IDO2: variants seen among roughly 807,000 people sequenced by gnomAD.
IDO2 encodes the protein indoleamine 2,3-dioxygenase-like 1 protein.
Under a neutral mutation model 45.1 loss-of-function variants are expected in IDO2, and 46 were observed. That is an observed-to-expected ratio of 1.02 (90% CI 0.80 to 1.30). The LOEUF is 1.30. Ranked by LOEUF, IDO2 falls within the 50% of genes most tolerant of loss-of-function variation. The pLI is 0.00. For synonymous variants in IDO2, 218 were observed against 184.9 expected, an observed-to-expected ratio of 1.18 and a Z score of -1.45; for missense variants, 544 against 491.8, an observed-to-expected ratio of 1.11 and a Z score of -1.00.
chr8:39,987,599 A>T (rs911821391), intron 6 of IDO2: 7 of 314,812 alleles, frequency 2.2e-5, no homozygotes, highest in African/African-American at 6.3e-5. Context: ...TCAGCCAGTT[A>T]TTCCACTGCG....
At chr8:39,978,474 A>T (rs1808294490) in intron 3 of IDO2, among the ~76,000 whole-genome samples, 1 of 152,064 alleles carries the variant, frequency 6.6e-6, no homozygotes, top group Non-Finnish European at 1.5e-5. Context: ...TTCAACCATG[A>T]TACCGCCTTT....
intron 2 of IDO2, 62 bp downstream of exon 2, chr8:39,949,326 G>GT (rs1807782373): frequency 4.5e-6 from 6 of 1,321,516 alleles, no homozygotes; most frequent in Non-Finnish European, 6.2e-6. Context: ...TGGTTGGTTT[G>GT]TTTTTTAAAA....
At chr8:40,014,116 C>A (rs1802352004) in intron 10 of IDO2, among the ~76,000 whole-genome samples, 1 of 152,112 alleles carries the variant, frequency 6.6e-6, no homozygotes, top group Admixed American at 6.6e-5. Context: ...CAACTTCTAG[C>A]CAAATCTATT....
intron 3 of IDO2, among the ~76,000 whole-genome samples, chr8:39,968,888 T>TAAAAAAAA: frequency 7.6e-6 from 1 of 130,742 alleles, no homozygotes; most frequent in Non-Finnish European, 1.7e-5. Flanking sequence ...TTTAAAAAAG[T>TAAAAAAAA]AAAAAAAAAA....
chr8:39,982,311 T>C (rs1028562708), intron 4 of IDO2, among the ~76,000 whole-genome samples: 3 of 152,022 alleles, frequency 2.0e-5, no homozygotes, highest in Non-Finnish European at 4.4e-5. Flanking sequence ...TTTTTTTCCG[T>C]TGATAATATT....
chr8:39,934,938 A>T (rs62512641), exon 1 of IDO2: 121,081 of 611,724 alleles, frequency 0.2, 13,220 homozygotes, highest in South Asian at 0.3. Context: ...GTCCATACAC[A>T]CTGGTTTGGA....
intron 2 of IDO2, among the ~76,000 whole-genome samples, chr8:39,959,317 T>A (rs948522746): frequency 3.3e-5 from 5 of 151,652 alleles, no homozygotes; most frequent in African/African-American, 1.2e-4. Flanking sequence ...GGTTTCACCG[T>A]GTTAGCCAGG....
chr8:40,016,127 G>C, exon 11 of IDO2: 1 of 394,378 alleles, frequency 2.5e-6, no homozygotes, highest in Non-Finnish European at 4.5e-6. Flanking sequence ...GAAGATAGAG[G>C]ATGCTGACAA....
chr8:40,003,224 T>C (rs558110501), intron 8 of IDO2, among the ~76,000 whole-genome samples: 1 of 152,056 alleles, frequency 6.6e-6, no homozygotes, highest in East Asian at 1.9e-4. Context: ...CCAAGAATTA[T>C]CCAGGTGTGG....
intron 4 of IDO2, among the ~76,000 whole-genome samples, chr8:39,980,954 G>A (rs1253185135): frequency 6.6e-6 from 1 of 151,720 alleles, no homozygotes; most frequent in African/African-American, 2.4e-5. Context: ...GTTTCACCAC[G>A]TTGGCCAGGC....
intron 1 of IDO2, among the ~76,000 whole-genome samples, chr8:39,940,881 C>A (rs1293343114): frequency 2.0e-5 from 3 of 149,460 alleles, no homozygotes; most frequent in Non-Finnish European, 3.0e-5. Flanking sequence ...ATATCACATG[C>A]AACTCTTAAG....
intron 9 of IDO2, among the ~76,000 whole-genome samples, chr8:40,009,592 G>T (rs2981150): frequency 4.6e-5 from 7 of 151,964 alleles, no homozygotes; most frequent in African/African-American, 1.7e-4. Flanking sequence ...TAGCAGCTTG[G>T]ACCTGAGAAT....
chr8:40,005,033 AC>A (rs1353255213), intron 8 of IDO2, among the ~76,000 whole-genome samples: 3 of 152,216 alleles, frequency 2.0e-5, no homozygotes, highest in African/African-American at 7.2e-5. Context: ...TGTTTAAAAT[AC>A]GAAATTTTAA....
At chr8:39,953,280 T>C (rs552724570) in intron 2 of IDO2, among the ~76,000 whole-genome samples, 2 of 152,176 alleles carry the variant, frequency 1.3e-5, no homozygotes, top group Non-Finnish European at 2.9e-5. Context: ...GAATGTTACA[T>C]GCAAGGTGGT....
intron 8 of IDO2, among the ~76,000 whole-genome samples, chr8:39,991,790 C>T (rs1801936304): frequency 1.3e-5 from 2 of 152,188 alleles, no homozygotes; most frequent in South Asian, 2.1e-4. Flanking sequence ...AGGCTGGTCT[C>T]GAACTCCTGA....
At chr8:39,993,290 T>C (rs1197538816) in intron 8 of IDO2, among the ~76,000 whole-genome samples, 2 of 152,150 alleles carry the variant, frequency 1.3e-5, no homozygotes, top group African/African-American at 4.8e-5. Context: ...GAAGTAATGT[T>C]CTTCTTGGAA....
At chr8:40,003,643 T>C (rs1434889062) in intron 8 of IDO2, among the ~76,000 whole-genome samples, 4 of 152,174 alleles carry the variant, frequency 2.6e-5, no homozygotes, top group Non-Finnish European at 4.4e-5. Flanking sequence ...CAGTAGATTA[T>C]ATGTGTTTTT....
Position 39,979,103 on chromosome 8 carries a change from C to G in IDO2, c.232C>G (p.Arg78Gly), listed in dbSNP as rs377075058. 7.0e-5 allele frequency: 112 copies of G among 1,599,594 alleles called. No homozygotes were observed. In the African/African-American group the frequency reaches 1.3e-3, roughly 19 times the overall value. Residue 78 changes from arginine to glycine, a missense_variant, in exon 4 of 11, where the codon CGG becomes GGG. Transcript: ENST00000502986. ...GAGCTGCCAGTTCCTGAAGGGTCAC[C>G]GGGAGCAGCGCCTGGCCCACCTGGT...
intron 9 of IDO2, among the ~76,000 whole-genome samples, chr8:40,008,045 CTTT>C (rs34451617): frequency 7.7e-5 from 8 of 103,312 alleles, no homozygotes; most frequent in Non-Finnish European, 9.6e-5. Context: ...AGCACTGGCA[CTTT>C]TTTTTTTTTT....
Sources: gnomAD v4.1 joint callset for allele counts (sites outside exome capture counted in the v4.1 genomes callset) on GRCh38, gnomAD v4.1.1 for gene constraint, MANE v1.5 for transcripts, NCBI Gene and HGNC (gene_info 2026-07-23, HGNC 2026-07-21) for gene names.